Variants in GNAI1 observed in about 807,000 individuals in gnomAD.
GNAI1 encodes the protein guanine nucleotide-binding protein G(i) subunit alpha-1.
Under a neutral mutation model 38.9 loss-of-function variants are expected in GNAI1, and 11 were observed. The observed-to-expected ratio is 0.28, with a 90% CI of 0.18 to 0.47. The LOEUF (loss-of-function observed/expected upper bound fraction) is 0.47, where lower values mean the gene tolerates loss of function less well. GNAI1 is among the 20% of genes least tolerant of loss of function. The pLI, the probability that GNAI1 is intolerant of heterozygous loss-of-function variation, is 0.99. For missense variants in GNAI1, 317 were observed against 436.9 expected, an observed-to-expected ratio of 0.73 and a Z score of 2.45; for synonymous variants, 166 against 145.1, an observed-to-expected ratio of 1.14 and a Z score of -1.04.
chr7:80,198,016 CAAGTT>C (rs956168586), intron 3 of GNAI1, among the ~76,000 whole-genome samples: 11 of 151,884 alleles, frequency 7.2e-5, no homozygotes, highest in Admixed American at 6.6e-5. Context: ...CTACATATCT[CAAGTT>C]AAGGAGAATC....
At chr7:80,159,696 C>T (rs719057) in intron 1 of GNAI1, among the ~76,000 whole-genome samples, 10,682 of 152,092 alleles carry the variant, frequency 0.07, 511 homozygotes, top group Non-Finnish European at 0.1. Flanking sequence ...TCTTTAGTTG[C>T]GGTTCTCTCC....
At chr7:80,149,123 GA>G (rs1342722481) in intron 1 of GNAI1, among the ~76,000 whole-genome samples, 3 of 152,064 alleles carry the variant, frequency 2.0e-5, no homozygotes, top group Non-Finnish European at 4.4e-5. Context: ...GATGTATTTT[GA>G]GTGGTTGATG....
chr7:80,160,622 T>A (rs115899132), intron 1 of GNAI1, among the ~76,000 whole-genome samples: 12 of 152,170 alleles, frequency 7.9e-5, no homozygotes. Context: ...AATCAAATTC[T>A]TCATTTTAAG....
At chr7:80,161,467 T>A (rs1787922210) in intron 1 of GNAI1, among the ~76,000 whole-genome samples, 1 of 152,206 alleles carries the variant, frequency 6.6e-6, no homozygotes, top group African/African-American at 2.4e-5. Context: ...ACACAAAGAA[T>A]GAGTTTTAAA....
At chr7:80,196,719 A>T (rs1205453535) in intron 3 of GNAI1, among the ~76,000 whole-genome samples, 1 of 151,944 alleles carries the variant, frequency 6.6e-6, no homozygotes, top group African/African-American at 2.4e-5. Context: ...TTATTGCCTG[A>T]AAGCTCATCT....
intron 1 of GNAI1, among the ~76,000 whole-genome samples, chr7:80,151,697 A>G (rs1267245575): frequency 1.3e-5 from 2 of 152,368 alleles, no homozygotes; most frequent in East Asian, 1.9e-4. Flanking sequence ...AAAAAAATAC[A>G]TCTGCCTCTA....
intron 1 of GNAI1, among the ~76,000 whole-genome samples, chr7:80,137,314 TTTC>T (rs1437545712): frequency 0.25 from 23,616 of 92,972 alleles, 3,674 homozygotes; most frequent in Non-Finnish European, 0.34. Flanking sequence ...TTTCTTTTCT[TTTC>T]TTTTTTTTTT....
chr7:80,138,116 TTC>T (rs1389811731), intron 1 of GNAI1, among the ~76,000 whole-genome samples: 1 of 152,250 alleles, frequency 6.6e-6, no homozygotes, highest in Admixed American at 6.5e-5. Context: ...TCTTCACTTA[TTC>T]TGTTTTTCTC....
intron 1 of GNAI1, among the ~76,000 whole-genome samples, chr7:80,143,922 G>A (rs1431625706): frequency 7.9e-5 from 4 of 50,422 alleles, no homozygotes; most frequent in African/African-American, 2.0e-4. Flanking sequence ...GTGTGTGTGT[G>A]CGCGCGTGTG....
intron 1 of GNAI1, among the ~76,000 whole-genome samples, chr7:80,139,957 T>C (rs1448016139): frequency 3.3e-5 from 5 of 151,244 alleles, no homozygotes; most frequent in Non-Finnish European, 7.4e-5. Flanking sequence ...ATTTTCTAAT[T>C]TTTATTTTTG....
In GNAI1 at chr7:80,180,470, T is replaced by C. The variant is rs73378673; in HGVS notation, c.119-8481T>C. ...CTCTTCTGCAAAGGGCTGTATAATG[T>C]CAAATTTTCCCACATCTTTTTCTAC... On this transcript the variant is annotated intron_variant, in intron 1 of 7. Transcript: ENST00000649796. Among the ~76,000 whole-genome samples, 1,363 of 152,266 alleles carry C rather than the reference T, an allele frequency of 9.0e-3. 22 individuals carry two copies. Among genetic ancestry groups the C allele is most frequent in the African/African-American group, 0.031 (1,289 of 41,548 alleles).
rs1425186861 is a variant in GNAI1 at position 80,220,967 on chromosome 7, C to T, written c.*3474C>T. Among the ~76,000 whole-genome samples, 5 of 152,154 alleles carry T rather than the reference C, an allele frequency of 3.3e-5. No individual in the cohort carries two copies. The South Asian group carries it at 8.3e-4, about 25-fold the overall frequency. On this transcript the variant is annotated 3_prime_UTR_variant, in exon 8 of 8. Transcript: ENST00000649796. The stretch of plus-strand genomic sequence containing the variant: ...TCTTTCATCAGAGCTATTTTTTACT[C>T]CTTAGATGTGAAGCTACTTAAGAGC...
intron 1 of GNAI1, among the ~76,000 whole-genome samples, chr7:80,177,280 T>C (rs1788201848): frequency 1.3e-5 from 2 of 152,054 alleles, no homozygotes; most frequent in Non-Finnish European, 2.9e-5. Context: ...TCCACCCGCC[T>C]CAGCCTCCCA....
At chr7:80,215,405 T>G (rs2115720866) in intron 7 of GNAI1, among the ~76,000 whole-genome samples, 1 of 152,348 alleles carries the variant, frequency 6.6e-6, no homozygotes, top group Non-Finnish European at 1.5e-5. Flanking sequence ...TTTAAAATTT[T>G]GGAGAACGAA....
chr7:80,188,520 T>C (rs1303084264), intron 1 of GNAI1, among the ~76,000 whole-genome samples: 4 of 152,176 alleles, frequency 2.6e-5, no homozygotes, highest in Non-Finnish European at 1.5e-5. Context: ...TAGAAACCGA[T>C]GAAGCTCATT....
chr7:80,198,859 G>A (rs896802381), intron 3 of GNAI1, among the ~76,000 whole-genome samples: 1 of 152,144 alleles, frequency 6.6e-6, no homozygotes, highest in Admixed American at 6.5e-5. Flanking sequence ...TGAGGAGAGA[G>A]GAAGAAGACA....
intron 1 of GNAI1, among the ~76,000 whole-genome samples, chr7:80,177,723 C>T (rs985269310): frequency 5.9e-5 from 9 of 152,298 alleles, no homozygotes; most frequent in African/African-American, 1.9e-4. Flanking sequence ...AAGCTATTCT[C>T]CTGACTTGGC....
chr7:80,180,709 TTGTC>T (rs1788279008), intron 1 of GNAI1, among the ~76,000 whole-genome samples: 2 of 152,158 alleles, frequency 1.3e-5, no homozygotes, highest in Non-Finnish European at 2.9e-5. Context: ...CAAGGTGGAT[TTGTC>T]TGCAGTTACG....
chr7:80,197,965 C>T (rs1223797155), intron 3 of GNAI1, among the ~76,000 whole-genome samples: 2 of 152,048 alleles, frequency 1.3e-5, no homozygotes, highest in African/African-American at 4.8e-5. Context: ...AAGAATGCCT[C>T]TTGAAAGAAA....
Sources: gnomAD v4.1 joint callset for allele counts (sites outside exome capture counted in the v4.1 genomes callset) on GRCh38, gnomAD v4.1.1 for gene constraint, MANE v1.5 for transcripts, NCBI Gene and HGNC (gene_info 2026-07-23, HGNC 2026-07-21) for gene names.